ZNF454: variants seen among roughly 807,000 people sequenced by gnomAD.
The protein encoded by ZNF454 is zinc finger protein 454.
In ZNF454, 30 loss-of-function variants were observed where a neutral mutation model predicts 48.2. That is an observed-to-expected ratio of 0.62 (90% confidence interval 0.47 to 0.84). ZNF454 has a LOEUF of 0.84. Among genes scored for constraint, ZNF454 ranks in the 40% least tolerant of loss-of-function variants. ZNF454 has a pLI of 0.00. For synonymous variants in ZNF454, 204 were observed against 211.4 expected, an observed-to-expected ratio of 0.97 and a Z score of 0.30; for missense variants, 510 against 623.1, an observed-to-expected ratio of 0.82 and a Z score of 1.93.
the ZNF454 span, chr5:178,989,200 T>C: frequency 7.5e-7 from 1 of 1,333,662 alleles, no homozygotes; most frequent in Non-Finnish European, 1.0e-6. Context: ...CCTCCCGCCT[T>C]CCCCCTCCCC....
rs756608753 is a variant in ZNF454 at position 178,965,901 on chromosome 5, T to G, written c.1497T>G (p.Asn499Lys). The change falls in exon 5 of 5, where the codon AAT becomes AAG. Residue 499 changes from asparagine (N) to lysine (K), a missense_variant. Asn to Lys is a moderately conservative substitution (Grantham distance 94, BLOSUM62 0). Transcript: ENST00000519564. This position sits in a 1 kb window ranked among gnomAD's most constrained non-coding sequence, Gnocchi z 5.2. ...CAGGAGAGAAACCCTATAAATGTAA[T>G]AAATGTGGGAAAGCTTTTAACCAGA... ...IHTGEKPYKC[N>K]KCGKAFNQTA... 3 of 1,610,434 alleles carry G rather than the reference T, an allele frequency of 1.9e-6. No individual in the cohort carries two copies. The highest frequency in any genetic ancestry group is 2.5e-6 in the Non-Finnish European group (3 of 1,178,780).
rs1759109828 is a variant in ZNF454, at chr5:178,941,991, A to AGAGCG, written c.-108+554_-108+558dup. ...GCAGCTGTTCCAAAGCCGCAGAGGG[A>AGAGCG]GAGCGGAGCGGTCTTCCAATCCAGT... is the stretch of plus-strand genomic sequence containing the variant. On this transcript the variant is annotated intron_variant, in intron 1 of 4. Coordinates refer to ENST00000519564, the MANE Select transcript of ZNF454 (RefSeq NM_001178089.3). The surrounding 1 kb of genome is among the most constrained non-coding windows in gnomAD (Gnocchi z 5.5). Among the ~76,000 whole-genome samples the AGAGCG allele has an allele frequency of 6.6e-6, 1 of 152,186 alleles. No individual in the cohort carries two copies. The highest frequency in any genetic ancestry group is 6.5e-5 in the Admixed American group (1 of 15,288).
chr5:178,975,280 C>T, the ZNF454 span, among the ~76,000 whole-genome samples: 1 of 151,662 alleles, frequency 6.6e-6, no homozygotes, highest in Non-Finnish European at 1.5e-5. Context: ...GACTCTGTCT[C>T]AAAAACAAAA....
At chr5:178,960,744 TATATAAA>T (rs1285637987) in intron 4 of ZNF454, among the ~76,000 whole-genome samples, 2 of 151,874 alleles carry the variant, frequency 1.3e-5, no homozygotes, top group African/African-American at 4.8e-5. Context: ...CCCTTTTGTC[TATATAAA>T]ATACCTTAAA....
chr5:178,967,689 C>A (rs902396955), downstream of ZNF454, among the ~76,000 whole-genome samples: 1 of 150,794 alleles, frequency 6.6e-6, no homozygotes, highest in Non-Finnish European at 1.5e-5. Context: ...GTGGTACAGT[C>A]GTCCTGCAAG....
At chr5:178,983,405 G>A in the ZNF454 span, 1 of 711,208 alleles carries the variant, frequency 1.4e-6, no homozygotes, top group Non-Finnish European at 2.5e-6. Flanking sequence ...CCCAGGCAGG[G>A]GCAGCCCAAG....
downstream of ZNF454, among the ~76,000 whole-genome samples, chr5:178,967,585 G>A (rs1760181378): frequency 6.6e-6 from 1 of 152,156 alleles, no homozygotes; most frequent in Admixed American, 6.5e-5. Context: ...TGACAGTGGT[G>A]AGAAAAATGT....
the ZNF454 span, chr5:178,981,720 G>A: frequency 1.2e-5 from 19 of 1,613,968 alleles, no homozygotes; most frequent in Non-Finnish European, 1.5e-5. This position sits in a 1 kb window ranked among gnomAD's most constrained non-coding sequence, Gnocchi z 5.1. Flanking sequence ...TGGCCTTGAG[G>A]CTCCGCTTTC....
chr5:178,959,025 T>TG (rs1016974234), intron 4 of ZNF454, among the ~76,000 whole-genome samples: 1 of 151,702 alleles, frequency 6.6e-6, no homozygotes, highest in African/African-American at 2.4e-5. Flanking sequence ...GAGGTCTTTT[T>TG]TTTTTCTTTT....
intron 4 of ZNF454, chr5:178,957,042 C>A (rs967204596): frequency 6.0e-6 from 1 of 166,528 alleles, no homozygotes; most frequent in African/African-American, 2.4e-5. Flanking sequence ...TGCCACCACG[C>A]CCGGATAATT....
chr5:178,985,514 T>C, the ZNF454 span: 136 of 339,790 alleles, frequency 4.0e-4, no homozygotes, highest in East Asian at 7.5e-4. Flanking sequence ...CCATCCTGGC[T>C]AACACGGTGA....
the ZNF454 span, chr5:178,981,863 T>C: frequency 3.2e-6 from 5 of 1,578,224 alleles, no homozygotes; most frequent in Admixed American, 6.7e-5. This position sits in a 1 kb window ranked among gnomAD's most constrained non-coding sequence, Gnocchi z 5.1. Context: ...ATCTAGGCCA[T>C]GGAAGAGGGG....
chr5:178,973,919 A>G, the ZNF454 span, among the ~76,000 whole-genome samples: 4 of 151,992 alleles, frequency 2.6e-5, no homozygotes, highest in Non-Finnish European at 5.9e-5. Context: ...CATTCTTTAT[A>G]TATCAGTGTG....
Position 178,946,585 on chromosome 5 carries a change from C to CG in ZNF454, c.160+101dup, listed in dbSNP as rs1759348358. Reference sequence around the variant, plus strand: ...AAGAGTCGGTTGGACCAACTGAGGACGCTGTCTTCAAGGGTGCCATTAATT... The same window carrying CG: ...AAGAGTCGGTTGGACCAACTGAGGACGGCTGTCTTCAAGGGTGCCATTAATT... On this transcript the variant is annotated intron_variant, in intron 3 of 4. Coordinates refer to ENST00000519564, the MANE Select transcript of ZNF454 (RefSeq NM_001178089.3). This position sits in a 1 kb window ranked among gnomAD's most constrained non-coding sequence, Gnocchi z 4.5. 6.8e-7 allele frequency: 1 copy of CG among 1,461,172 alleles called. No homozygotes were observed. Among genetic ancestry groups the CG allele is most frequent in the Admixed American group, 2.4e-5 (1 of 41,446 alleles). The allele number at this position is 1,461,172 out of a possible 1,614,324, so 90.5% of individuals were successfully genotyped here.
chr5:178,964,720 G>C lies in ZNF454; in HGVS notation c.316G>C (p.Asp106His). The stretch of plus-strand genomic sequence containing the variant: ...GGCAGAGATTCCTGAAGAAGAATTG[G>C]ATCAATGGACAATAAAGGAAAGATT... ...VKAEIPEEEL[D>H]QWTIKERFSS... is the part of the protein sequence containing the mutation. The change falls in exon 5 of 5, where the codon GAT becomes CAT. Residue 106 changes from aspartate to histidine, a missense_variant. This residue lies in a region of ZNF454 where 354 missense variants were observed against 408.9 expected (regional missense o/e 0.87). Coordinates refer to ENST00000519564, the MANE Select transcript of ZNF454 (RefSeq NM_001178089.3). 2 of 1,614,196 alleles carry C rather than the reference G, an allele frequency of 1.2e-6. No homozygotes were observed. The highest frequency in any genetic ancestry group is 3.3e-5 in the Admixed American group (2 of 60,028).
the ZNF454 span, chr5:178,982,743 A>G: frequency 3.2e-6 from 2 of 626,630 alleles, no homozygotes; most frequent in Non-Finnish European, 5.8e-6. Context: ...AGGGGTTAGA[A>G]GCTTGGAAAA....
chr5:178,973,821 C>A, the ZNF454 span, among the ~76,000 whole-genome samples: 1 of 132,176 alleles, frequency 7.6e-6, no homozygotes, highest in African/African-American at 2.9e-5. Flanking sequence ...CCAGCCTGGG[C>A]GACAGAGCAA....
chr5:178,965,998 C>T lies in ZNF454; in HGVS notation c.*25C>T, dbSNP rs184419143. 22 of 1,487,494 alleles carry T rather than the reference C, an allele frequency of 1.5e-5. No homozygotes were observed. Among genetic ancestry groups the T allele is most frequent in the Non-Finnish European group, 9.1e-7 (1 of 1,103,052 alleles). The allele number at this position is 1,487,494 out of a possible 1,614,324, so 92.1% of individuals were successfully genotyped here. A position where few individuals can be genotyped will look rare whatever the true frequency, so the allele number is the denominator to read the frequency against. On this transcript the variant is annotated 3_prime_UTR_variant, in exon 5 of 5. Transcript: ENST00000519564. The surrounding 1 kb of genome is among the most constrained non-coding windows in gnomAD (Gnocchi z 5.2). ...ATATGAATGCAGTTTGTATGGAAGA[C>T]CTTTGAGACTGAGTAGATGAATTAT...
intron 2 of ZNF454, among the ~76,000 whole-genome samples, chr5:178,945,120 C>T (rs1759265590): frequency 2.2e-5 from 3 of 136,576 alleles, no homozygotes. Flanking sequence ...TGCGCGCTTG[C>T]ATGTGTGCGT....
Sources: gnomAD v4.1 joint callset for allele counts (sites outside exome capture counted in the v4.1 genomes callset) on GRCh38, gnomAD v4.1.1 for gene constraint, gnomAD v4.1.1 regional missense constraint, Gnocchi (gnomAD v3.1) non-coding constraint, MANE v1.5 for transcripts, NCBI Gene and HGNC (gene_info 2026-07-23, HGNC 2026-07-21) for gene names.